Variants in DENND1A observed in about 807,000 individuals in gnomAD.
DENND1A encodes DENN domain-containing protein 1A.
DENND1A carries 51 observed loss-of-function variants against 113.7 expected under a neutral mutation model. The observed-to-expected ratio is 0.45, with a 90% CI of 0.36 to 0.57. The LOEUF (loss-of-function observed/expected upper bound fraction) is 0.57, where lower values mean the gene tolerates loss of function less well. Ranked by LOEUF, DENND1A falls within the 20% of genes least tolerant of loss-of-function variation. The pLI, the probability that DENND1A is intolerant of heterozygous loss-of-function variation, is 0.00. For missense variants in DENND1A, 1,258 were observed against 1,395.9 expected (o/e 0.90, Z 1.57); for synonymous variants, 565 against 570.8 (o/e 0.99, Z 0.14).
At chr9:123,582,897 C>T (rs1379504837) in intron 12 of DENND1A, among the ~76,000 whole-genome samples, 1 of 151,818 alleles carries the variant, frequency 6.6e-6, no homozygotes, top group African/African-American at 2.4e-5. Flanking sequence ...CAGGGTTTCA[C>T]CATGTTGCCC....
At position 123,381,328 on chromosome 9, in the gene DENND1A, C is replaced by T. The variant is rs1001583043; in HGVS notation, c.*104G>A. 22 of 1,188,416 alleles carry T rather than the reference C, an allele frequency of 1.9e-5. No homozygotes were observed. The highest frequency in any genetic ancestry group is 2.6e-5 in the Non-Finnish European group (22 of 834,864). The allele number at this position is 1,188,416 out of a possible 1,614,324, so 73.6% of individuals were successfully genotyped here. On this transcript the variant is annotated 3_prime_UTR_variant, in exon 24 of 24. Transcript: ENST00000394215. This position sits in a 1 kb window ranked among gnomAD's most constrained non-coding sequence, Gnocchi z 4.7. The stretch of plus-strand genomic sequence containing the variant: ...AGCAGAGAGGGGTCCCATCCCTTCC[C>T]ACCAGCAGAACCTGGGCAGAGAGAG...
chr9:123,738,627 T>G (rs1273331548), intron 5 of DENND1A, among the ~76,000 whole-genome samples: 1 of 152,198 alleles, frequency 6.6e-6, no homozygotes, highest in African/African-American at 2.4e-5. Flanking sequence ...CCTCATATCC[T>G]AAAGTGCTGA....
At chr9:123,390,777 G>A (rs1407395214) in intron 21 of DENND1A, among the ~76,000 whole-genome samples, 2 of 152,282 alleles carry the variant, frequency 1.3e-5, no homozygotes, top group African/African-American at 4.8e-5. Flanking sequence ...GGGGCTCGGA[G>A]TAGATGCACA....
chr9:123,718,404 A>G (rs943861236), intron 5 of DENND1A, among the ~76,000 whole-genome samples: 10 of 152,348 alleles, frequency 6.6e-5, no homozygotes, highest in African/African-American at 1.9e-4. Flanking sequence ...TAAGTTGGTA[A>G]GCAGTTCACA....
intron 13 of DENND1A, among the ~76,000 whole-genome samples, chr9:123,485,277 C>T (rs1344868287): frequency 2.0e-5 from 3 of 152,210 alleles, no homozygotes; most frequent in Non-Finnish European, 4.4e-5. Context: ...CGCACTATCA[C>T]TAGGTGTGAG....
chr9:123,904,302 G>A (rs980610817), intron 1 of DENND1A, among the ~76,000 whole-genome samples: 9 of 151,988 alleles, frequency 5.9e-5, no homozygotes, highest in East Asian at 1.9e-4. Flanking sequence ...ACTCTAAAAC[G>A]CAGAGCGTCT....
intron 12 of DENND1A, among the ~76,000 whole-genome samples, chr9:123,565,390 A>C (rs1308952289): frequency 1.3e-5 from 2 of 152,212 alleles, no homozygotes; most frequent in Non-Finnish European, 2.9e-5. Context: ...CAGTTCTAAA[A>C]GCCCGGCTCA....
At chr9:123,456,020 C>T (rs567894075) in intron 15 of DENND1A, among the ~76,000 whole-genome samples, 4 of 152,310 alleles carry the variant, frequency 2.6e-5, no homozygotes, top group East Asian at 3.9e-4. Context: ...CTGGGTCCTC[C>T]GCTTTTTACT....
chr9:123,659,211 G>T (rs1297878199), intron 8 of DENND1A, among the ~76,000 whole-genome samples: 3 of 152,178 alleles, frequency 2.0e-5, no homozygotes, highest in Non-Finnish European at 4.4e-5. Context: ...ACATTATTAA[G>T]TTCCACATCC....
rs887180479 is a variant in DENND1A at position 123,715,189 on chromosome 9, T to A, written c.303-38400A>T. 7.6e-4 allele frequency among the ~76,000 whole-genome samples: 102 copies of A among 133,492 alleles called. 1 individual carries two copies. The highest frequency in any genetic ancestry group is 1.3e-3 in the African/African-American group (43 of 33,168). The allele number at this position is 133,492 out of a possible 152,430, so 87.6% of individuals were successfully genotyped here. On this transcript the variant is annotated intron_variant, in intron 5 of 23. Coordinates refer to ENST00000394215, the MANE Select transcript of DENND1A (RefSeq NM_001352964.2). ...ACAGAGACTCTGTCTCCAAAAAAAATAATAATAATAATAAAAAATAAATGT... is the reference window on the plus strand; with the variant it reads ...ACAGAGACTCTGTCTCCAAAAAAAAAAATAATAATAATAAAAAATAAATGT...
chr9:123,437,074 C>A (rs2046578255), intron 19 of DENND1A, among the ~76,000 whole-genome samples: 2 of 152,150 alleles, frequency 1.3e-5, no homozygotes, highest in Admixed American at 6.5e-5. Context: ...AAGAGGGAGC[C>A]TCTGGGGGGC....
At chr9:123,569,626 T>C (rs913306502) in intron 12 of DENND1A, 3 of 152,356 alleles carry the variant, frequency 2.0e-5, no homozygotes, top group African/African-American at 7.2e-5. Flanking sequence ...AGTCACAGCA[T>C]GGACAGTGTC....
intron 2 of DENND1A, among the ~76,000 whole-genome samples, chr9:123,873,747 C>CT (rs1015503303): frequency 1.9e-3 from 274 of 145,526 alleles, no homozygotes; most frequent in Middle Eastern, 0.011. Flanking sequence ...ATCTATCTCT[C>CT]TTTTTTTTTT....
chr9:123,928,047 C>A (rs561492989), intron 1 of DENND1A, among the ~76,000 whole-genome samples: 2 of 152,244 alleles, frequency 1.3e-5, no homozygotes, highest in Non-Finnish European at 2.9e-5. Context: ...GTTTTTATCA[C>A]AGAGTAGTCT....
chr9:123,460,063 T>C (rs183868605), intron 13 of DENND1A, among the ~76,000 whole-genome samples: 1 of 152,342 alleles, frequency 6.6e-6, no homozygotes, highest in East Asian at 1.9e-4. Flanking sequence ...TAGCTGGGTA[T>C]GTATGTCCTA....
intron 11 of DENND1A, among the ~76,000 whole-genome samples, chr9:123,604,285 G>A (rs1328578958): frequency 6.6e-6 from 1 of 152,166 alleles, no homozygotes; most frequent in Non-Finnish European, 1.5e-5. Context: ...GTTTCAGTGT[G>A]GGCATTCTCT....
At chr9:123,417,104 T>C (rs1564448750) in intron 19 of DENND1A, among the ~76,000 whole-genome samples, 1 of 152,238 alleles carries the variant, frequency 6.6e-6, no homozygotes. Flanking sequence ...AGTGAACTCT[T>C]CTGTAAAATG....
intron 5 of DENND1A, among the ~76,000 whole-genome samples, chr9:123,704,982 TATA>T (rs1409253589): frequency 2.0e-5 from 3 of 151,344 alleles, no homozygotes; most frequent in South Asian, 2.1e-4. Flanking sequence ...TCCAGAAGGA[TATA>T]ATAAGAAAAA....
At chr9:123,814,003 CA>C (rs1275222524) in intron 2 of DENND1A, among the ~76,000 whole-genome samples, 1 of 152,094 alleles carries the variant, frequency 6.6e-6, no homozygotes, top group Non-Finnish European at 1.5e-5. Context: ...ATAAGCTAAC[CA>C]AAATTATTTT....
Sources: allele counts gnomAD v4.1 joint callset (sites outside exome capture counted in the v4.1 genomes callset), GRCh38; gene constraint gnomAD v4.1.1; non-coding constraint Gnocchi (gnomAD v3.1); transcripts MANE v1.5; gene names NCBI Gene and HGNC (gene_info 2026-07-23, HGNC 2026-07-21).